Variants in PIPOX observed in about 807,000 individuals in gnomAD.
PIPOX encodes the protein peroxisomal sarcosine oxidase.
In PIPOX, 45 loss-of-function variants were observed where a neutral mutation model predicts 47.9. The ratio of observed to expected loss-of-function variants is 0.94; its 90% confidence interval spans 0.74 to 1.20. PIPOX has a LOEUF of 1.20. Ranked by LOEUF, PIPOX falls within the 50% of genes most tolerant of loss-of-function variation. PIPOX has a pLI of 0.00. For synonymous variants in PIPOX, 165 were observed against 191.3 expected, an observed-to-expected ratio of 0.86 and a Z score of 1.13; for missense variants, 458 against 498.4, an observed-to-expected ratio of 0.92 and a Z score of 0.77.
Position 29,043,242 on chromosome 17 carries a change from A to G in PIPOX, c.17A>G (p.Asp6Gly), listed in dbSNP as rs770654005. The change falls in exon 1 of 8, where the codon GAT becomes GGT. Residue 6 changes from aspartate (D) to glycine (G), a missense_variant. By Grantham distance (94) the Asp-to-Gly change is moderately conservative (BLOSUM62 -1). Transcript: ENST00000323372. ...AGTGGCATCATGGCGGCTCAGAAAGATCTCTGGGACGCCATTGTGATTGGG... is the reference window on the plus strand; with the variant it reads ...AGTGGCATCATGGCGGCTCAGAAAGGTCTCTGGGACGCCATTGTGATTGGG... MAAQK[D>G]LWDAIVIGAG... is the part of the protein sequence containing the mutation. 1.2e-6 allele frequency: 2 copies of G among 1,612,926 alleles called. No homozygotes were observed. The highest frequency in any genetic ancestry group is 1.7e-6 in the Non-Finnish European group (2 of 1,179,302).
rs765096831 is a variant in PIPOX, at chr17:29,055,052, T to C, written c.808-11T>C. ...GCCCTCACCACTCATGCCACTCTGA[T>C]TGGGAGCCAGGTCAGCTATCACCAC... On this transcript the variant is annotated splice_polypyrimidine_tract_variant and intron_variant, in intron 5 of 7. Coordinates refer to ENST00000323372, the MANE Select transcript of PIPOX (RefSeq NM_016518.3). The C allele has an allele frequency of 1.1e-5, 18 of 1,613,922 alleles. No homozygotes were observed. Among genetic ancestry groups the C allele is most frequent in the Admixed American group, 1.7e-5 (1 of 60,002 alleles).
intron 2 of PIPOX, among the ~76,000 whole-genome samples, chr17:29,049,611 C>T (rs118066732): frequency 0.033 from 5,098 of 152,282 alleles, 99 homozygotes; most frequent in Non-Finnish European, 0.05. Flanking sequence ...TAAGCATTTC[C>T]CATAGGAGCC....
At position 29,053,525 on chromosome 17, in the gene PIPOX, G is replaced by A. The variant is rs200673437; in HGVS notation, c.590G>A (p.Ser197Asn). The A allele has an allele frequency of 2.4e-5, 39 of 1,614,094 alleles. No homozygotes were observed. Among genetic ancestry groups the A allele is most frequent in the Non-Finnish European group, 3.0e-5 (35 of 1,179,958 alleles). Residue 197 changes from serine (S) to asparagine (N), a missense_variant, in exon 4 of 8, where the codon AGC (serine) becomes AAC (asparagine). Physicochemically the swap from Ser to Asn is conservative, Grantham distance 46. Transcript: ENST00000323372. ...KTTSRSYQAK[S>N]LVITAGPWTN... ...ACCTCCAGGAGCTACCAAGCTAAGA[G>A]CTTGGTCATCACAGCAGGTCCTTGG...
intron 2 of PIPOX, chr17:29,051,928 G>A (rs1475768226): frequency 4.0e-5 from 19 of 470,034 alleles, no homozygotes; most frequent in East Asian, 3.5e-4. Context: ...CTGGGTGGGC[G>A]GGTGAGTGGG....
intron 4 of PIPOX, 44 bp downstream of exon 4, chr17:29,053,639 C>G: frequency 2.0e-6 from 3 of 1,467,702 alleles, no homozygotes; most frequent in African/African-American, 1.4e-5. Flanking sequence ...CAAGAGAAGC[C>G]TTGGAACCAG....
At chr17:29,051,840 C>A in intron 2 of PIPOX, 1 of 431,932 alleles carries the variant, frequency 2.3e-6, no homozygotes, top group South Asian at 1.7e-5. Flanking sequence ...CATCCCGGGC[C>A]CCTGCCCACT....
At chr17:29,051,924 G>A (rs765135209) in intron 2 of PIPOX, 1 of 470,068 alleles carries the variant, frequency 2.1e-6, no homozygotes, top group African/African-American at 2.0e-5. Flanking sequence ...GTCCCTGGGT[G>A]GGCGGGTGAG....
chr17:29,043,456 A>C, intron 1 of PIPOX, 117 bp downstream of exon 1: 2 of 618,312 alleles, frequency 3.2e-6, no homozygotes, highest in African/African-American at 1.8e-5. Context: ...AATCATCAAA[A>C]ATTCTGTGTA....
chr17:29,044,626 C>T (rs1392236993), intron 1 of PIPOX, among the ~76,000 whole-genome samples: 1 of 152,144 alleles, frequency 6.6e-6, no homozygotes, highest in Non-Finnish European at 1.5e-5. Flanking sequence ...AGTGCCACCA[C>T]ACCTGATAGT....
At position 29,044,881 on chromosome 17, in the gene PIPOX, G is replaced by A. The variant is rs772699916; in HGVS notation, c.137G>A (p.Gly46Glu). 8 of 1,613,496 alleles carry A rather than the reference G, an allele frequency of 5.0e-6. No homozygotes were observed. Among genetic ancestry groups the A allele is most frequent in the Non-Finnish European group, 6.8e-6 (8 of 1,179,792 alleles). Residue 46 changes from glycine to glutamate, a missense_variant, in exon 2 of 8, where the codon GGA (glycine) becomes GAA (glutamate). Physicochemically the swap from Gly to Glu is moderately conservative, Grantham distance 98. Transcript: ENST00000323372. ...LEQFFLPHSRGSSHGQSRIIR... is the reference protein window; with the variant it reads ...LEQFFLPHSRESSHGQSRIIR... ...CAGTTCTTTCTACCACACTCCCGAG[G>A]AAGCTCCCATGGACAAAGCCGGATA...
At position 29,053,066 on chromosome 17, in the gene PIPOX, G is replaced by C; in HGVS notation, c.410G>C (p.Gly137Ala). The change falls in exon 3 of 8, where the codon GGA (glycine) becomes GCA (alanine). Residue 137 changes from glycine to alanine, a missense_variant. Transcript: ENST00000323372. ...TTCCCAAATATTCGGTTGCCCAGGG[G>C]AGAAGTGGGGCTCTTGGACAATTCC... ...QRFPNIRLPR[G>A]EVGLLDNSGG... The C allele has an allele frequency of 6.2e-7, 1 of 1,614,264 alleles. No individual in the cohort carries two copies. Among genetic ancestry groups the C allele is most frequent in the African/African-American group, 1.3e-5 (1 of 75,072 alleles).
rs2065773536 is a variant in PIPOX, at chr17:29,043,292, G to A, written c.67G>A (p.Ala23Thr). Reference sequence around the variant, plus strand: ...GGCGGGGATCCAGGGCTGCTTCACTGCATACCACCTGGCCAAACACAGGAA... The same window carrying A: ...GGCGGGGATCCAGGGCTGCTTCACTACATACCACCTGGCCAAACACAGGAA... ...IGAGIQGCFT[A>T]YHLAKHRKRI... The change falls in exon 1 of 8, where the codon GCA (alanine) becomes ACA (threonine). Residue 23 changes from alanine (A) to threonine (T), a missense_variant. Transcript: ENST00000323372. 6.2e-7 allele frequency: 1 copy of A among 1,613,764 alleles called. No homozygotes were observed. Among genetic ancestry groups the A allele is most frequent in the Non-Finnish European group, 8.5e-7 (1 of 1,179,790 alleles).
intron 2 of PIPOX, among the ~76,000 whole-genome samples, chr17:29,046,358 AGTGTCT>A (rs980755535): frequency 1.3e-5 from 2 of 152,116 alleles, no homozygotes; most frequent in Non-Finnish European, 2.9e-5. Context: ...GAGACGTTAG[AGTGTCT>A]GGAATCTTTC....
intron 2 of PIPOX, among the ~76,000 whole-genome samples, chr17:29,051,401 C>T (rs2065805683): frequency 1.3e-5 from 2 of 152,206 alleles, no homozygotes; most frequent in Admixed American, 1.3e-4. Context: ...CCAATCTTCT[C>T]TTTAATCCCC....
At position 29,052,928 on chromosome 17, in the gene PIPOX, G is replaced by T. The variant is rs1229225893; in HGVS notation, c.272G>T (p.Gly91Val). ...GACTTATTTTTTAACAGGCAGACTG[G>T]ATTACTGCTGCTGGGAATGAAAGAG... ...EAGTQLHRQT[G>V]LLLLGMKENQ... Residue 91 changes from glycine to valine, a missense_variant, in exon 3 of 8, where the codon GGA becomes GTA. By Grantham distance (109) the Gly-to-Val change is moderately radical. Transcript: ENST00000323372. The T allele has an allele frequency of 6.2e-7, 1 of 1,613,996 alleles. No individual in the cohort carries two copies. Among genetic ancestry groups the T allele is most frequent in the Non-Finnish European group, 8.5e-7 (1 of 1,179,980 alleles).
At position 29,055,059 on chromosome 17, in the gene PIPOX, C is replaced by T. The variant is rs768338898; in HGVS notation, c.808-4C>T. On this transcript the variant is annotated splice_region_variant and splice_polypyrimidine_tract_variant and intron_variant, in intron 5 of 7. Transcript: ENST00000323372. ...CCACTCATGCCACTCTGATTGGGAG[C>T]CAGGTCAGCTATCACCACGGCAACC... 3 of 1,614,060 alleles carry T rather than the reference C, an allele frequency of 1.9e-6. No homozygotes were observed. Among genetic ancestry groups the T allele is most frequent in the Non-Finnish European group, 2.5e-6 (3 of 1,179,980 alleles).
At chr17:29,045,229 G>T (rs144980599) in intron 2 of PIPOX, among the ~76,000 whole-genome samples, 1 of 152,174 alleles carries the variant, frequency 6.6e-6, no homozygotes, top group Non-Finnish European at 1.5e-5. Context: ...TTCAGACCAT[G>T]TGTCCAAGGC....
chr17:29,044,317 G>C (rs1598235117), intron 1 of PIPOX: 2 of 152,232 alleles, frequency 1.3e-5, no homozygotes, highest in South Asian at 4.1e-4. Context: ...AGTGAGGTGA[G>C]ATTGCAGCAG....
Position 29,053,138 on chromosome 17 carries a change from TGTC to T in PIPOX, c.477+8_477+10del. ...AAGGCCCTCAGAGCCCTGCAGGTAA[TGTC>T]GTATAGCACTGGGGCGATGCAGGTG... On this transcript the variant is annotated splice_donor_region_variant and intron_variant, in intron 3 of 7. Transcript: ENST00000323372. 1.2e-6 allele frequency: 2 copies of T among 1,612,736 alleles called. No individual in the cohort carries two copies. The highest frequency in any genetic ancestry group is 1.7e-6 in the Non-Finnish European group (2 of 1,179,004).
Sources: gnomAD v4.1 joint callset for allele counts (sites outside exome capture counted in the v4.1 genomes callset) on GRCh38, gnomAD v4.1.1 for gene constraint, MANE v1.5 for transcripts, NCBI Gene and HGNC (gene_info 2026-07-23, HGNC 2026-07-21) for gene names.